EIF4E3: variants seen among roughly 807,000 people sequenced by gnomAD.
EIF4E3 encodes the protein eukaryotic translation initiation factor 4E type 3.
In EIF4E3, 26 loss-of-function variants were observed where a neutral mutation model predicts 31.7. The observed-to-expected ratio is 0.82, with a 90% CI of 0.60 to 1.14. The LOEUF is 1.14. Among genes scored for constraint, EIF4E3 ranks in the 50% most tolerant of loss-of-function variants. EIF4E3 has a pLI of 0.00. For synonymous variants in EIF4E3, 128 were observed against 107.7 expected (o/e 1.19, Z -1.17); for missense variants, 304 against 270.9 (o/e 1.12, Z -0.86).
chr3:71,679,550 G>T lies in EIF4E3; in HGVS notation c.*5132C>A, dbSNP rs1416504755. 6.6e-6 allele frequency: 1 copy of T among 152,066 alleles called. No individual in the cohort carries two copies. Among genetic ancestry groups the T allele is most frequent in the Non-Finnish European group, 1.5e-5 (1 of 68,000 alleles). The allele number at this position is 152,066 out of a possible 1,614,324, so 9.4% of individuals were successfully genotyped here. Reference sequence around the variant, plus strand: ...AGAATATCCAAAAGCTATTGTATTGGATATTCTAATAAGGTACACTCAAGA... The same window carrying T: ...AGAATATCCAAAAGCTATTGTATTGTATATTCTAATAAGGTACACTCAAGA... On this transcript the variant is annotated 3_prime_UTR_variant, in exon 7 of 7. Coordinates refer to ENST00000425534, the MANE Select transcript of EIF4E3 (RefSeq NM_001134651.2).
intron 1 of EIF4E3, among the ~76,000 whole-genome samples, chr3:71,731,352 T>A (rs549026079): frequency 6.6e-6 from 1 of 152,314 alleles, no homozygotes; most frequent in South Asian, 2.1e-4. Flanking sequence ...CTGCATATGC[T>A]GTTCTTTCTC....
At chr3:71,707,709 T>A (rs1182667004) in intron 2 of EIF4E3, among the ~76,000 whole-genome samples, 1 of 152,050 alleles carries the variant, frequency 6.6e-6, no homozygotes, top group Non-Finnish European at 1.5e-5. Flanking sequence ...TGCATGGACA[T>A]CTATGCTTTG....
chr3:71,754,284 GCGCGGCGTGCGGCGGC>G, upstream of EIF4E3: 1 of 1,151,804 alleles, frequency 8.7e-7, no homozygotes, highest in Non-Finnish European at 1.1e-6. This position sits in a 1 kb window ranked among gnomAD's most constrained non-coding sequence, Gnocchi z 5.8. Context: ...CATGCTGGCG[GCGCGGCGTGCGGCGGC>G]CGCGGCGGGG....
chr3:71,727,462 G>T (rs2049653693), upstream of EIF4E3, among the ~76,000 whole-genome samples: 1 of 152,098 alleles, frequency 6.6e-6, no homozygotes, highest in East Asian at 1.9e-4. Flanking sequence ...TTGTAAAGAG[G>T]TAATATAATT....
Position 71,725,251 on chromosome 3 carries a change from C to T in EIF4E3, c.117G>A (p.Ala39=), listed in dbSNP as rs1370062145. 3.7e-6 allele frequency: 4 copies of T among 1,085,742 alleles called. No individual in the cohort carries two copies. The highest frequency in any genetic ancestry group is 4.5e-6 in the Non-Finnish European group (4 of 894,570). 67.3% of individuals were successfully genotyped at this position (1,085,742 alleles called of 1,614,324 possible). The stretch of plus-strand genomic sequence containing the variant: ...GGACCCCGCCCGGCTCAGGCTGCAG[C>T]GCCGACAGCTGCTGCAGGCCGAGCG... The part of the protein sequence containing the change: ...EPPLGLQQLS[A]LQPEPGGVPL... Residue 39 remains alanine, a synonymous_variant, in exon 1 of 7, where the codon GCG becomes GCA. Coordinates refer to ENST00000425534, the MANE Select transcript of EIF4E3 (RefSeq NM_001134651.2). The surrounding 1 kb of genome is among the most constrained non-coding windows in gnomAD (Gnocchi z 6.1).
chr3:71,735,431 A>G (rs1420635661), intron 1 of EIF4E3, among the ~76,000 whole-genome samples: 2 of 152,196 alleles, frequency 1.3e-5, no homozygotes, highest in Non-Finnish European at 2.9e-5. Context: ...ATCATGGGAC[A>G]TATTTTTCTT....
At chr3:71,736,471 T>TA (rs890211790) in intron 1 of EIF4E3, among the ~76,000 whole-genome samples, 1 of 152,186 alleles carries the variant, frequency 6.6e-6, no homozygotes, top group Admixed American at 6.5e-5. Flanking sequence ...CATTCACTGC[T>TA]AAAAAGCAAT....
chr3:71,710,624 G>A, intron 1 of EIF4E3, 140 bp from the exon 2 acceptor site: 2 of 737,612 alleles, frequency 2.7e-6, no homozygotes, highest in Non-Finnish European at 4.4e-6. Context: ...GATGCTAGTT[G>A]GAATTTAAAA....
At position 71,676,733 on chromosome 3, in the gene EIF4E3, G is replaced by A. The variant is rs370128391; in HGVS notation, c.*7949C>T. On this transcript the variant is annotated 3_prime_UTR_variant, in exon 7 of 7. Transcript: ENST00000425534. ...ACCTCTGTTAAAATGTGGATTCCAA[G>A]ATGTTTGTTTTCAAAAAAAAAAAAA... 3 of 150,512 alleles carry A rather than the reference G, an allele frequency of 2.0e-5. No homozygotes were observed. Among genetic ancestry groups the A allele is most frequent in the Middle Eastern group, 6.8e-3 (2 of 292 alleles). 9.3% of individuals were successfully genotyped at this position (150,512 alleles called of 1,614,324 possible).
At chr3:71,738,026 A>G (rs2049781395) in intron 1 of EIF4E3, among the ~76,000 whole-genome samples, 1 of 152,170 alleles carries the variant, frequency 6.6e-6, no homozygotes, top group Non-Finnish European at 1.5e-5. Context: ...ATATAAAATA[A>G]ACATAAGAAG....
In EIF4E3 at chr3:71,690,179, A is replaced by AG; in HGVS notation, c.473-15dup. ...TTACTTCATCATCTGAGGGGAAGAC[A>AG]GGAAAAAAAAAAAATGAGTGATACT... On this transcript the variant is annotated splice_polypyrimidine_tract_variant and intron_variant, in intron 5 of 6. Transcript: ENST00000425534. 1.3e-6 allele frequency: 2 copies of AG among 1,589,014 alleles called. No homozygotes were observed. Among genetic ancestry groups the AG allele is most frequent in the South Asian group, 1.2e-5 (1 of 86,504 alleles).
At chr3:71,719,978 C>A (rs776404540) in intron 1 of EIF4E3, among the ~76,000 whole-genome samples, 36 of 151,968 alleles carry the variant, frequency 2.4e-4, no homozygotes, top group Non-Finnish European at 4.0e-4. Context: ...TGCGCCACTG[C>A]ACTCCAGCCT....
chr3:71,660,823 G>A, the EIF4E3 span, among the ~76,000 whole-genome samples: 9 of 152,156 alleles, frequency 5.9e-5, no homozygotes, highest in African/African-American at 1.7e-4. Context: ...TGAGCACTTC[G>A]TGGTAACCAG....
At chr3:71,694,973 G>T (rs56981400) in intron 4 of EIF4E3, among the ~76,000 whole-genome samples, 9,869 of 152,260 alleles carry the variant, frequency 0.065, 434 homozygotes, top group Middle Eastern at 0.099. Flanking sequence ...ATAATAGTGT[G>T]TATTATTATG....
rs762648303 is a variant in EIF4E3 at position 71,696,449 on chromosome 3, T to C, written c.405+11A>G. On this transcript the variant is annotated intron_variant, in intron 4 of 6. Coordinates refer to ENST00000425534, the MANE Select transcript of EIF4E3 (RefSeq NM_001134651.2). Reference sequence around the variant, plus strand: ...CTCGCCGGTTCTAGAAGAGGATCAGTAGGAACCTACCGTGCTGTCCTTGGG... The same window carrying C: ...CTCGCCGGTTCTAGAAGAGGATCAGCAGGAACCTACCGTGCTGTCCTTGGG... 4 of 1,614,094 alleles carry C rather than the reference T, an allele frequency of 2.5e-6. No homozygotes were observed. Among genetic ancestry groups the C allele is most frequent in the East Asian group, 2.2e-5 (1 of 44,876 alleles).
At chr3:71,718,038 T>C (rs890057271) in intron 1 of EIF4E3, among the ~76,000 whole-genome samples, 32 of 152,252 alleles carry the variant, frequency 2.1e-4, no homozygotes, top group African/African-American at 7.5e-4. Context: ...TATTCCATCC[T>C]ATGTGAGAGA....
intron 1 of EIF4E3, among the ~76,000 whole-genome samples, chr3:71,723,264 A>C (rs2049578861): frequency 6.6e-6 from 1 of 152,216 alleles, no homozygotes; most frequent in Admixed American, 6.5e-5. Context: ...GGGGCACCCT[A>C]TATAAAGGTA....
the EIF4E3 span, among the ~76,000 whole-genome samples, chr3:71,669,439 T>C: frequency 2.0e-5 from 3 of 152,222 alleles, no homozygotes. Context: ...TTTCAAAACC[T>C]GTATCGTCAT....
intron 2 of EIF4E3, among the ~76,000 whole-genome samples, chr3:71,703,005 A>C (rs1202431671): frequency 6.6e-6 from 1 of 152,262 alleles, no homozygotes; most frequent in Non-Finnish European, 1.5e-5. Flanking sequence ...TAGATTTCAG[A>C]AGCCTTTAGG....
Sources: allele counts gnomAD v4.1 joint callset (sites outside exome capture counted in the v4.1 genomes callset), GRCh38; gene constraint gnomAD v4.1.1; non-coding constraint Gnocchi (gnomAD v3.1); transcripts MANE v1.5; gene names NCBI Gene and HGNC (gene_info 2026-07-23, HGNC 2026-07-21).